The following TMEM132B variants were observed in gnomAD, a reference collection of about 807,000 sequenced individuals.
The protein encoded by TMEM132B is transmembrane protein 132B.
Under a neutral mutation model 90.8 loss-of-function variants are expected in TMEM132B, and 18 were observed. That is an observed-to-expected ratio of 0.20 (90% CI 0.14 to 0.29). TMEM132B has a LOEUF of 0.29. Ranked by LOEUF, TMEM132B falls within the 10% of genes least tolerant of loss-of-function variation. The probability of loss-of-function intolerance (pLI) is 1.00; values close to 1 mark genes in which losing one functional copy is unlikely to be tolerated. For missense variants in TMEM132B, 1,096 were observed against 1,326.8 expected (o/e 0.83, Z 2.70); for synonymous variants, 504 against 523.3 (o/e 0.96, Z 0.50).
At chr12:125,228,634 GAA>G (rs1873737462) in intron 1 of TMEM132B, among the ~76,000 whole-genome samples, 1 of 152,198 alleles carries the variant, frequency 6.6e-6, no homozygotes, top group Non-Finnish European at 1.5e-5. Flanking sequence ...TCTGTGGTTG[GAA>G]CGTGTGGGGA....
intron 3 of TMEM132B, among the ~76,000 whole-genome samples, chr12:125,471,196 ATCTC>A (rs1881708402): frequency 6.6e-6 from 1 of 151,992 alleles, no homozygotes; most frequent in Non-Finnish European, 1.5e-5. Context: ...TCTCTGTGTG[ATCTC>A]TCTATGTTTT....
intron 3 of TMEM132B, among the ~76,000 whole-genome samples, chr12:125,432,507 G>GTATATATATGTA (rs1566034824): frequency 0.013 from 174 of 13,152 alleles, 22 homozygotes; most frequent in East Asian, 0.033. Flanking sequence ...ATATATGTGT[G>GTATATATATGTA]TGTGTATATA....
intron 5 of TMEM132B, among the ~76,000 whole-genome samples, chr12:125,641,369 A>C (rs975102015): frequency 1.3e-5 from 2 of 152,208 alleles, no homozygotes; most frequent in Non-Finnish European, 2.9e-5. Flanking sequence ...GGTCATCTGT[A>C]ATTGGTGAGA....
chr12:125,566,393 A>T (rs1008135216), intron 4 of TMEM132B, among the ~76,000 whole-genome samples: 10 of 152,348 alleles, frequency 6.6e-5, no homozygotes, highest in Admixed American at 5.9e-4. Context: ...TTGAATGAAT[A>T]AAAATACGTA....
chr12:125,368,809 A>ATT (rs11404006), intron 2 of TMEM132B, among the ~76,000 whole-genome samples: 8 of 151,608 alleles, frequency 5.3e-5, no homozygotes, highest in East Asian at 1.9e-4. Context: ...TGGAAATACA[A>ATT]TTTTTTTTTA....
At chr12:125,545,356 T>G (rs1884061061) in intron 4 of TMEM132B, among the ~76,000 whole-genome samples, 1 of 152,206 alleles carries the variant, frequency 6.6e-6, no homozygotes, top group Non-Finnish European at 1.5e-5. Flanking sequence ...CATAGATCAT[T>G]TAGGATACAT....
intron 4 of TMEM132B, among the ~76,000 whole-genome samples, chr12:125,525,015 G>C (rs1291879184): frequency 6.6e-6 from 1 of 152,134 alleles, no homozygotes; most frequent in Non-Finnish European, 1.5e-5. Context: ...TAGGCAGATG[G>C]AATGATGTGT....
At chr12:125,428,798 C>T (rs1880409556) in intron 3 of TMEM132B, among the ~76,000 whole-genome samples, 1 of 152,192 alleles carries the variant, frequency 6.6e-6, no homozygotes, top group South Asian at 2.1e-4. Context: ...ATGTGGCCAA[C>T]ATCCTATGTT....
intron 5 of TMEM132B, among the ~76,000 whole-genome samples, chr12:125,598,931 T>C (rs975445029): frequency 1.3e-5 from 2 of 152,184 alleles, no homozygotes; most frequent in Admixed American, 6.5e-5. Flanking sequence ...GGATACTTTG[T>C]GTTTCTTGTT....
intron 6 of TMEM132B, among the ~76,000 whole-genome samples, chr12:125,647,270 G>A (rs1236718156): frequency 6.6e-6 from 1 of 152,204 alleles, no homozygotes; most frequent in African/African-American, 2.4e-5. Context: ...AACAAGAGGA[G>A]AAAAGGTGTC....
chr12:125,454,589 C>T (rs913022762), intron 3 of TMEM132B, among the ~76,000 whole-genome samples: 4 of 152,162 alleles, frequency 2.6e-5, no homozygotes, highest in African/African-American at 7.2e-5. Context: ...TCTTGCTTAG[C>T]GCTCAAAAGA....
chr12:125,197,065 C>T (rs922765390), intron 1 of TMEM132B, among the ~76,000 whole-genome samples: 1 of 152,032 alleles, frequency 6.6e-6, no homozygotes, highest in Non-Finnish European at 1.5e-5. Flanking sequence ...AAACTTGTGT[C>T]GTGGGGGTTT....
chr12:125,450,350 T>C (rs1881116397), intron 3 of TMEM132B, among the ~76,000 whole-genome samples: 1 of 152,166 alleles, frequency 6.6e-6, no homozygotes, highest in Non-Finnish European at 1.5e-5. Context: ...CTTAATTACA[T>C]AGAACAAAGT....
rs145413393 is a variant in TMEM132B at position 125,269,118 on chromosome 12, T to A, written c.68-80334T>A. Among the ~76,000 whole-genome samples, 27 of 152,356 alleles carry A rather than the reference T, an allele frequency of 1.8e-4. 1 individual carries two copies. The East Asian group carries it at 4.2e-3, about 24-fold the overall frequency. On this transcript the variant is annotated intron_variant, in intron 1 of 8. Coordinates refer to ENST00000682704, the MANE Select transcript of TMEM132B (RefSeq NM_001366854.1). Reference sequence around the variant, plus strand: ...ACACCCTCTTCTGAAGGATCTTGGGTTCCCAGATACACCTCTGATTATATT... The same window carrying A: ...ACACCCTCTTCTGAAGGATCTTGGGATCCCAGATACACCTCTGATTATATT...
At chr12:125,386,820 A>C (rs146884379) in intron 2 of TMEM132B, among the ~76,000 whole-genome samples, 107 of 152,352 alleles carry the variant, frequency 7.0e-4, no homozygotes, top group African/African-American at 2.5e-3. Flanking sequence ...AAATGCATGC[A>C]GCCTGCTGTT....
At chr12:125,565,835 A>G (rs550828551) in intron 4 of TMEM132B, among the ~76,000 whole-genome samples, 1 of 152,342 alleles carries the variant, frequency 6.6e-6, no homozygotes, top group African/African-American at 2.4e-5. Context: ...ATGGAAGGCT[A>G]AAAGGCAACT....
chr12:125,541,256 C>G (rs757932341), intron 4 of TMEM132B, among the ~76,000 whole-genome samples: 1 of 152,192 alleles, frequency 6.6e-6, no homozygotes, highest in Non-Finnish European at 1.5e-5. Context: ...TATAGAGAGT[C>G]CTCAACAAAT....
rs531927724 is a variant in TMEM132B, at chr12:125,407,733, G to A, written c.960-7798G>A. ...ACCAAAGGGACCGCGGACACCTGGT[G>A]GAGGTCTGGGGGAGAAACGCCTCTG... On this transcript the variant is annotated intron_variant, in intron 2 of 8. Coordinates refer to ENST00000682704, the MANE Select transcript of TMEM132B (RefSeq NM_001366854.1). The surrounding 1 kb of genome is among the most constrained non-coding windows in gnomAD (Gnocchi z 6.7). 5.3e-5 allele frequency among the ~76,000 whole-genome samples: 8 copies of A among 152,310 alleles called. 1 individual carries two copies. In the South Asian group the frequency reaches 1.7e-3, roughly 32 times the overall value.
intron 1 of TMEM132B, among the ~76,000 whole-genome samples, chr12:125,248,285 C>T (rs1874247739): frequency 6.6e-6 from 1 of 152,144 alleles, no homozygotes; most frequent in South Asian, 2.1e-4. Context: ...CTCAGAAACA[C>T]CGGAAAAAGC....
Sources: gnomAD v4.1 joint callset for allele counts (sites outside exome capture counted in the v4.1 genomes callset) on GRCh38, gnomAD v4.1.1 for gene constraint, Gnocchi (gnomAD v3.1) non-coding constraint, MANE v1.5 for transcripts, NCBI Gene and HGNC (gene_info 2026-07-23, HGNC 2026-07-21) for gene names.